The following CELF2 variants were observed in gnomAD, a reference collection of about 807,000 sequenced individuals.
The protein encoded by CELF2 is CUGBP Elav-like family member 2.
A neutral mutation model predicts 62.6 loss-of-function variants in CELF2; 8 were observed. That is an observed-to-expected ratio of 0.13 (90% CI 0.07 to 0.23). The LOEUF is 0.23. Among genes scored for constraint, CELF2 ranks in the 10% least tolerant of loss-of-function variants. The pLI, the probability that CELF2 is intolerant of heterozygous loss-of-function variation, is 1.00. For missense variants in CELF2, 333 were observed against 671.0 expected (o/e 0.50, Z 5.56); for synonymous variants, 258 against 250.0 (o/e 1.03, Z -0.30).
At chr10:10,803,938 G>A (rs2054936014) in intron 1 of CELF2, among the ~76,000 whole-genome samples, 1 of 152,146 alleles carries the variant, frequency 6.6e-6, no homozygotes, top group Non-Finnish European at 1.5e-5. Flanking sequence ...CTAGTATTTA[G>A]CACTGTGATA....
chr10:11,161,166 C>T (rs923114829), intron 1 of CELF2, among the ~76,000 whole-genome samples: 4 of 152,200 alleles, frequency 2.6e-5, no homozygotes, highest in African/African-American at 9.6e-5. Flanking sequence ...AAGCACTCAT[C>T]GTTTTTCCGA....
the CELF2 span, among the ~76,000 whole-genome samples, chr10:10,609,519 G>A: frequency 2.0e-5 from 3 of 152,204 alleles, no homozygotes; most frequent in Non-Finnish European, 4.4e-5. Context: ...TGATGAGAAT[G>A]TCATGGATGG....
chr10:11,307,234 C>T (rs182514903), intron 9 of CELF2, among the ~76,000 whole-genome samples: 141 of 152,376 alleles, frequency 9.3e-4, no homozygotes, highest in Middle Eastern at 3.4e-3. Flanking sequence ...CTGACGGGCA[C>T]TACTCTGGAG....
At chr10:11,325,256 A>G (rs141003484) in intron 11 of CELF2, among the ~76,000 whole-genome samples, 28 of 152,340 alleles carry the variant, frequency 1.8e-4, no homozygotes, top group African/African-American at 6.3e-4. Context: ...GACTCAGGCT[A>G]CCTTCTTTCC....
chr10:10,787,384 A>T, the CELF2 span, among the ~76,000 whole-genome samples: 1 of 152,206 alleles, frequency 6.6e-6, no homozygotes, highest in African/African-American at 2.4e-5. Context: ...TTTTCATTTA[A>T]TACTTTTAAA....
the CELF2 span, among the ~76,000 whole-genome samples, chr10:10,766,160 T>G: frequency 6.6e-6 from 1 of 152,140 alleles, no homozygotes; most frequent in Non-Finnish European, 1.5e-5. Flanking sequence ...TGCCATCATT[T>G]TGTTATTGGG....
rs1424987289 is a variant in CELF2 at position 11,242,455 on chromosome 10, C to T, written c.355-6698C>T. ...AGCAGAGACCCACCGAGGCAGAGGG[C>T]TTCAGAGAGCCCCACGAGGTTGTGT... is the stretch of plus-strand genomic sequence containing the variant. On this transcript the variant is annotated intron_variant, in intron 3 of 12. Transcript: ENST00000633077. This position sits in a 1 kb window ranked among gnomAD's most constrained non-coding sequence, Gnocchi z 4.8. Among the ~76,000 whole-genome samples the T allele has an allele frequency of 6.6e-6, 1 of 152,112 alleles. No homozygotes were observed. The highest frequency in any genetic ancestry group is 2.4e-5 in the African/African-American group (1 of 41,412).
Position 11,290,764 on chromosome 10 carries a change from A to G in CELF2, c.976+2212A>G, listed in dbSNP as rs1369992703. Among the ~76,000 whole-genome samples, 1 of 152,188 alleles carries G rather than the reference A, an allele frequency of 6.6e-6. No homozygotes were observed. Among genetic ancestry groups the G allele is most frequent in the African/African-American group, 2.4e-5 (1 of 41,456 alleles). On this transcript the variant is annotated intron_variant, in intron 9 of 12. Transcript: ENST00000633077. The surrounding 1 kb of genome is among the most constrained non-coding windows in gnomAD (Gnocchi z 4.3). ...GCCCTTCAGAACACGCCGCTCGCTTAGGTGTCACTGAGAGCGATTTTTCTC... is the reference window on the plus strand; with the variant it reads ...GCCCTTCAGAACACGCCGCTCGCTTGGGTGTCACTGAGAGCGATTTTTCTC...
the CELF2 span, among the ~76,000 whole-genome samples, chr10:10,478,105 A>G: frequency 2.0e-5 from 3 of 152,164 alleles, no homozygotes; most frequent in Non-Finnish European, 4.4e-5. Context: ...TTCCAGGAAA[A>G]AAGTTAGCCA....
chr10:11,013,856 A>G (rs1423510204), upstream of CELF2, among the ~76,000 whole-genome samples: 1 of 152,228 alleles, frequency 6.6e-6, no homozygotes, highest in Non-Finnish European at 1.5e-5. This position sits in a 1 kb window ranked among gnomAD's most constrained non-coding sequence, Gnocchi z 4.1. Flanking sequence ...TAGGCTTACA[A>G]TGTGTCACTT....
At chr10:10,765,216 A>C in the CELF2 span, among the ~76,000 whole-genome samples, 2 of 152,202 alleles carry the variant, frequency 1.3e-5, no homozygotes, top group Admixed American at 6.5e-5. Flanking sequence ...TTGTGGAAAA[A>C]TTGCCCCACG....
chr10:10,693,156 T>C, the CELF2 span, among the ~76,000 whole-genome samples: 1 of 86,818 alleles, frequency 1.2e-5, no homozygotes. Flanking sequence ...TTGTCATAGA[T>C]AGCTCTTATT....
intron 1 of CELF2, among the ~76,000 whole-genome samples, chr10:10,881,728 C>T (rs1435899585): frequency 6.9e-6 from 1 of 145,096 alleles, no homozygotes; most frequent in Non-Finnish European, 1.5e-5. Context: ...TCTCAGAGTC[C>T]ACCCGGTGCT....
chr10:10,786,215 G>A, the CELF2 span, among the ~76,000 whole-genome samples: 4 of 152,130 alleles, frequency 2.6e-5, no homozygotes, highest in Non-Finnish European at 5.9e-5. Flanking sequence ...CTTTGGCTAT[G>A]TTTTCATTTC....
intron 4 of CELF2, among the ~76,000 whole-genome samples, chr10:11,256,924 G>A (rs2078956642): frequency 6.6e-6 from 1 of 151,998 alleles, no homozygotes; most frequent in Non-Finnish European, 1.5e-5. Context: ...TTGCCTCCCG[G>A]TGGCTAGTAC....
At position 11,280,548 on chromosome 10, in the gene CELF2, C is replaced by T. The variant is rs1360852577; in HGVS notation, c.841+5428C>T. Reference sequence around the variant, plus strand: ...GACATCAGCCACCAGGGACGTGCATCGTTGCCAGGGAAGGGCCCAGGAACA... The same window carrying T: ...GACATCAGCCACCAGGGACGTGCATTGTTGCCAGGGAAGGGCCCAGGAACA... On this transcript the variant is annotated intron_variant, in intron 8 of 12. Coordinates refer to ENST00000633077, the MANE Select transcript of CELF2 (RefSeq NM_001326342.2). The surrounding 1 kb of genome is among the most constrained non-coding windows in gnomAD (Gnocchi z 7.6). 2.0e-5 allele frequency among the ~76,000 whole-genome samples: 3 copies of T among 152,216 alleles called. No homozygotes were observed. The highest frequency in any genetic ancestry group is 7.2e-5 in the African/African-American group (3 of 41,468).
chr10:10,748,722 T>C, the CELF2 span, among the ~76,000 whole-genome samples: 1 of 122,154 alleles, frequency 8.2e-6, no homozygotes, highest in Non-Finnish European at 1.6e-5. Context: ...CACTCCATCC[T>C]GGGTGACAGA....
Position 11,334,859 on chromosome 10 carries a change from TGA to T in CELF2, c.*5807_*5808del, listed in dbSNP as rs1213724899. Reference sequence around the variant, plus strand: ...AGGGAAGAAAAATCAACTTAGCCAGTGAAAAGGGTTAAACTTAAGTCTATTAT... The same window carrying T: ...AGGGAAGAAAAATCAACTTAGCCAGTAAAGGGTTAAACTTAAGTCTATTAT... On this transcript the variant is annotated 3_prime_UTR_variant, in exon 13 of 13. Coordinates refer to ENST00000633077, the MANE Select transcript of CELF2 (RefSeq NM_001326342.2). 2 of 152,342 alleles carry T rather than the reference TGA, an allele frequency of 1.3e-5. No individual in the cohort carries two copies. The highest frequency in any genetic ancestry group is 4.1e-4 in the South Asian group (2 of 4,830). 9.4% of individuals were successfully genotyped at this position (152,342 alleles called of 1,614,324 possible).
At position 11,135,893 on chromosome 10, in the gene CELF2, G is replaced by A. The variant is rs541875566; in HGVS notation, c.75-29593G>A. ...GTACAGATTCTAGCATCTCACTCTA[G>A]ACCTGCTGAATCAGACTCTCTGGGG... On this transcript the variant is annotated intron_variant, in intron 1 of 12. Coordinates refer to ENST00000633077, the MANE Select transcript of CELF2 (RefSeq NM_001326342.2). 3.9e-5 allele frequency among the ~76,000 whole-genome samples: 6 copies of A among 152,214 alleles called. No individual in the cohort carries two copies. The South Asian group carries it at 1.0e-3, about 26-fold the overall frequency.
Sources: allele counts gnomAD v4.1 joint callset (sites outside exome capture counted in the v4.1 genomes callset), GRCh38; gene constraint gnomAD v4.1.1; non-coding constraint Gnocchi (gnomAD v3.1); transcripts MANE v1.5; gene names NCBI Gene and HGNC (gene_info 2026-07-23, HGNC 2026-07-21).